Variants in C16orf96 observed in about 807,000 individuals in gnomAD.
C16orf96 encodes uncharacterized protein C16orf96.
C16orf96 carries 108 observed loss-of-function variants against 103.6 expected under a neutral mutation model. The ratio of observed to expected loss-of-function variants is 1.04; its 90% CI spans 0.89 to 1.22. The LOEUF is 1.22. Among genes scored for constraint, C16orf96 ranks in the 50% most tolerant of loss-of-function variants. The probability of loss-of-function intolerance (pLI) is 0.00; values close to 1 mark genes in which losing one functional copy is unlikely to be tolerated. For synonymous variants in C16orf96, 566 were observed against 593.5 expected, an observed-to-expected ratio of 0.95 and a Z score of 0.67; for missense variants, 1,586 against 1,464.2, an observed-to-expected ratio of 1.08 and a Z score of -1.36.
intron 7 of C16orf96, among the ~76,000 whole-genome samples, chr16:4,583,875 A>G (rs1045751511): frequency 4.9e-5 from 7 of 144,032 alleles, no homozygotes; most frequent in Non-Finnish European, 9.0e-5. Flanking sequence ...CAGTGAGCCA[A>G]GATCGCACCA....
chr16:4,541,262 A>G, the C16orf96 span, among the ~76,000 whole-genome samples: 41 of 152,232 alleles, frequency 2.7e-4, 1 homozygote, highest in Admixed American at 6.5e-5. Flanking sequence ...TTTAAGCAGT[A>G]GAGTTACAGT....
At chr16:4,594,910 G>A (rs550001887) in intron 14 of C16orf96, 107 bp downstream of exon 14, 1 of 1,213,822 alleles carries the variant, frequency 8.2e-7, no homozygotes, top group Admixed American at 2.3e-5. Flanking sequence ...TCCCTGACCG[G>A]GGAGTCCTCA....
chr16:4,554,918 C>A (rs550279530), upstream of C16orf96, among the ~76,000 whole-genome samples: 91 of 151,866 alleles, frequency 6.0e-4, no homozygotes, highest in African/African-American at 2.1e-3. Flanking sequence ...CGTGAGCCAC[C>A]GCGCCCAGCC....
Position 4,592,353 on chromosome 16 carries a change from G to T in C16orf96, c.2760G>T (p.Glu920Asp). Residue 920 changes from glutamate (E) to aspartate (D), a missense_variant, in exon 11 of 16, where the codon GAG becomes GAT. Glu to Asp is a conservative substitution (Grantham distance 45). Transcript: ENST00000444310. Reference sequence around the variant, plus strand: ...GCATCTCCTGTGACCGGCCTGTGGAGATGATGACTGGCCCGTGAGTACCAC... The same window carrying T: ...GCATCTCCTGTGACCGGCCTGTGGATATGATGACTGGCCCGTGAGTACCAC... ...VKCISCDRPV[E>D]MMTGPQLITI... 1 of 1,551,676 alleles carries T rather than the reference G, an allele frequency of 6.4e-7. No individual in the cohort carries two copies. The highest frequency in any genetic ancestry group is 8.7e-7 in the Non-Finnish European group (1 of 1,146,998).
At chr16:4,577,806 G>T (rs2059531332) in intron 5 of C16orf96, among the ~76,000 whole-genome samples, 1 of 151,968 alleles carries the variant, frequency 6.6e-6, no homozygotes, top group South Asian at 2.1e-4. Flanking sequence ...AAATACAAAA[G>T]TTAGCCAGGC....
chr16:4,579,925 C>A, intron 6 of C16orf96, 90 bp from the exon 7 acceptor site: 2 of 1,118,496 alleles, frequency 1.8e-6, no homozygotes. Flanking sequence ...CTGGTACATT[C>A]TTCTTGGCCT....
At chr16:4,563,854 C>G (rs755681104) in intron 1 of C16orf96, among the ~76,000 whole-genome samples, 1 of 150,654 alleles carries the variant, frequency 6.6e-6, no homozygotes, top group South Asian at 2.1e-4. Flanking sequence ...CAGGCATGAG[C>G]CACTGTGCCC....
intron 7 of C16orf96, among the ~76,000 whole-genome samples, chr16:4,582,563 G>A (rs2141737443): frequency 6.6e-6 from 1 of 152,272 alleles, no homozygotes; most frequent in African/African-American, 2.4e-5. Flanking sequence ...AGGGTTGGCT[G>A]TCTCTGGAGA....
At chr16:4,566,149 G>A (rs1366530811) in intron 1 of C16orf96, among the ~76,000 whole-genome samples, 1 of 152,190 alleles carries the variant, frequency 6.6e-6, no homozygotes, top group Non-Finnish European at 1.5e-5. Context: ...CCTGGCCCAT[G>A]TGTGCAAGTT....
rs1229612102 is a variant in C16orf96 at position 4,575,170 on chromosome 16, G to A, written c.694-4G>A. 10 of 1,545,402 alleles carry A rather than the reference G, an allele frequency of 6.5e-6. No individual in the cohort carries two copies. Among genetic ancestry groups the A allele is most frequent in the Middle Eastern group, 1.7e-4 (1 of 5,990 alleles). ...GCAGAGCCCCTCTGCCCCCTCTTCT[G>A]CAGGAAATTGGTTCATCACCACTGG... On this transcript the variant is annotated splice_region_variant and splice_polypyrimidine_tract_variant and intron_variant, in intron 4 of 15. Coordinates refer to ENST00000444310, the MANE Select transcript of C16orf96 (RefSeq NM_001145011.2).
chr16:4,564,677 G>C (rs1334098475), intron 1 of C16orf96, among the ~76,000 whole-genome samples: 2 of 152,142 alleles, frequency 1.3e-5, no homozygotes, highest in Admixed American at 1.3e-4. Context: ...TGGGCATGGT[G>C]GTGCGTGCCT....
rs2059491052 is a variant in C16orf96 at position 4,575,408 on chromosome 16, C to A, written c.928C>A (p.Pro310Thr). The change falls in exon 5 of 16, where the codon CCG (proline) becomes ACG (threonine). Residue 310 changes from proline (P) to threonine (T), a missense_variant. Pro to Thr is a conservative substitution (Grantham distance 38). Transcript: ENST00000444310. ...CAGAGCCCAGGAGCCAGCGCAGCCTCCGGCCCTCACGCCTGAGTCTGCACC... is the reference window on the plus strand; with the variant it reads ...CAGAGCCCAGGAGCCAGCGCAGCCTACGGCCCTCACGCCTGAGTCTGCACC... Reference protein sequence around the residue: ...LSRAQEPAQPPALTPESAPGC... With the variant: ...LSRAQEPAQPTALTPESAPGC... 6.5e-7 allele frequency: 1 copy of A among 1,550,320 alleles called. No individual in the cohort carries two copies. Among genetic ancestry groups the A allele is most frequent in the South Asian group, 1.2e-5 (1 of 84,070 alleles).
At chr16:4,587,259 C>G (rs1353563249) in intron 8 of C16orf96, 146 bp downstream of exon 8, 1 of 764,682 alleles carries the variant, frequency 1.3e-6, no homozygotes, top group African/African-American at 1.7e-5. Context: ...CGCAGTGGCT[C>G]ATGCCTGTAA....
At position 4,563,799 on chromosome 16, in the gene C16orf96, G is replaced by C. The variant is rs1385516202; in HGVS notation, c.420+6890G>C. Among the ~76,000 whole-genome samples, 3 of 148,460 alleles carry C rather than the reference G, an allele frequency of 2.0e-5. No individual in the cohort carries two copies. In the East Asian group the frequency reaches 6.2e-4, roughly 31 times the overall value. On this transcript the variant is annotated intron_variant, in intron 1 of 15. Coordinates refer to ENST00000444310, the MANE Select transcript of C16orf96 (RefSeq NM_001145011.2). Reference sequence around the variant, plus strand: ...GGCCAGGCTGGTCTTGAACTCCCGAGCTCAGGTGATCCACCCGCCTGGGCC... The same window carrying C: ...GGCCAGGCTGGTCTTGAACTCCCGACCTCAGGTGATCCACCCGCCTGGGCC...
intron 1 of C16orf96, chr16:4,560,146 T>C (rs1199557759): frequency 6.6e-6 from 1 of 152,056 alleles, no homozygotes; most frequent in Non-Finnish European, 1.5e-5. Context: ...GCCTCCTGAG[T>C]AGCTGGAAAT....
rs1416569716 is a variant in C16orf96, at chr16:4,593,010, T to C, written c.2775-214T>C. On this transcript the variant is annotated intron_variant, in intron 11 of 15. Coordinates refer to ENST00000444310, the MANE Select transcript of C16orf96 (RefSeq NM_001145011.2). The surrounding 1 kb of genome is among the most constrained non-coding windows in gnomAD (Gnocchi z 4.2). Reference sequence around the variant, plus strand: ...TTTTGGAAATAGAACAATTGTTTTTTGTGTCTTACTGTGATGATCAGAGGT... The same window carrying C: ...TTTTGGAAATAGAACAATTGTTTTTCGTGTCTTACTGTGATGATCAGAGGT... Among the ~76,000 whole-genome samples the C allele has an allele frequency of 6.6e-6, 1 of 152,214 alleles. No homozygotes were observed. The highest frequency in any genetic ancestry group is 1.5e-5 in the Non-Finnish European group (1 of 68,034).
chr16:4,563,575 T>C (rs1012980487), intron 1 of C16orf96, among the ~76,000 whole-genome samples: 2 of 147,814 alleles, frequency 1.4e-5, no homozygotes, highest in African/African-American at 5.0e-5. Flanking sequence ...TTTTTGTTTG[T>C]TTGTTTGTTT....
the C16orf96 span, among the ~76,000 whole-genome samples, chr16:4,548,317 C>T: frequency 6.6e-6 from 1 of 152,186 alleles, no homozygotes; most frequent in African/African-American, 2.4e-5. Flanking sequence ...AACGCAGCTC[C>T]TCCTCCCTGG....
the C16orf96 span, among the ~76,000 whole-genome samples, chr16:4,540,591 G>A: frequency 4.6e-5 from 7 of 151,874 alleles, no homozygotes; most frequent in South Asian, 8.3e-4. Context: ...AAATTAGCCC[G>A]GCATACACGC....
Sources: gnomAD v4.1 joint callset for allele counts (sites outside exome capture counted in the v4.1 genomes callset) on GRCh38, gnomAD v4.1.1 for gene constraint, Gnocchi (gnomAD v3.1) non-coding constraint, MANE v1.5 for transcripts, NCBI Gene and HGNC (gene_info 2026-07-23, HGNC 2026-07-21) for gene names.